Variants in HERC3 observed in about 807,000 individuals in gnomAD.
The protein encoded by HERC3 is probable E3 ubiquitin-protein ligase HERC3.
In HERC3, 58 loss-of-function variants were observed where a neutral mutation model predicts 129.9. The observed-to-expected ratio is 0.45, with a 90% confidence interval of 0.36 to 0.56. The LOEUF is 0.56. HERC3 is among the 20% of genes least tolerant of loss of function. The pLI is 0.00. For synonymous variants in HERC3, 430 were observed against 451.0 expected (o/e 0.95, Z 0.59); for missense variants, 835 against 1,244.2 (o/e 0.67, Z 4.95).
In HERC3 at chr4:88,681,329, C is replaced by T. The variant is rs1272349028; in HGVS notation, c.2507+4C>T. The T allele has an allele frequency of 4.4e-6, 7 of 1,608,266 alleles. No individual in the cohort carries two copies. The highest frequency in any genetic ancestry group is 5.1e-6 in the Non-Finnish European group (6 of 1,177,854). ...AGTTGTCACCCACTGAAGGAAGGTA[C>T]AAAGCTAAAAGGCGATTGGTATCTG... On this transcript the variant is annotated splice_donor_region_variant and intron_variant, in intron 21 of 25. Coordinates refer to ENST00000402738, the MANE Select transcript of HERC3 (RefSeq NM_014606.3).
At chr4:88,682,170 A>G (rs1439945432) in intron 21 of HERC3, among the ~76,000 whole-genome samples, 1 of 152,138 alleles carries the variant, frequency 6.6e-6, no homozygotes, top group Non-Finnish European at 1.5e-5. Context: ...TTTGTGCACA[A>G]GTTTTTGTAC....
the HERC3 span, among the ~76,000 whole-genome samples, chr4:88,559,960 A>AATTT: frequency 0.015 from 1,839 of 119,562 alleles, 59 homozygotes; most frequent in African/African-American, 0.053. Context: ...GTTATTTTTG[A>AATTT]TTTTTTTTTT....
chr4:88,662,414 T>C lies in HERC3; in HGVS notation c.1147-17T>C, dbSNP rs2149289291. 5.0e-6 allele frequency: 8 copies of C among 1,596,390 alleles called. 1 individual carries two copies. The South Asian group carries it at 9.2e-5, about 18-fold the overall frequency. ...CTACATAATTTCTTCTTTTTACTGT[T>C]ACATTTAATTCTCCAGAATTATTCT... On this transcript the variant is annotated splice_polypyrimidine_tract_variant and intron_variant, in intron 10 of 25. Transcript: ENST00000402738.
chr4:88,554,855 T>C, the HERC3 span, among the ~76,000 whole-genome samples: 1 of 152,202 alleles, frequency 6.6e-6, no homozygotes, highest in Non-Finnish European at 1.5e-5. Flanking sequence ...GCTGCTTTTG[T>C]TATTTTGGAT....
the HERC3 span, among the ~76,000 whole-genome samples, chr4:88,566,776 A>G: frequency 1.3e-5 from 2 of 152,096 alleles, no homozygotes; most frequent in Non-Finnish European, 2.9e-5. Context: ...CTACTCTAGG[A>G]TACATTTTTT....
the HERC3 span, among the ~76,000 whole-genome samples, chr4:88,539,739 G>A: frequency 6.6e-6 from 1 of 152,184 alleles, no homozygotes; most frequent in Non-Finnish European, 1.5e-5. Flanking sequence ...AGCAATATTT[G>A]CTGTTCTGCA....
At chr4:88,654,244 C>A (rs1729599716) in intron 7 of HERC3, 111 bp downstream of exon 7, 2 of 620,356 alleles carry the variant, frequency 3.2e-6, no homozygotes, top group African/African-American at 1.9e-5. Context: ...GTGGCTTGAA[C>A]TTGAATGCTC....
At chr4:88,631,308 A>G (rs1726726555) in intron 3 of HERC3, among the ~76,000 whole-genome samples, 1 of 152,102 alleles carries the variant, frequency 6.6e-6, no homozygotes, top group South Asian at 2.1e-4. Context: ...TGCAAAAATT[A>G]GCCAGGCGTT....
chr4:88,534,897 G>T, the HERC3 span, among the ~76,000 whole-genome samples: 1 of 152,134 alleles, frequency 6.6e-6, no homozygotes, highest in African/African-American at 2.4e-5. Context: ...AAAAGGAAAT[G>T]AACCTCCAAA....
rs572391242 is a variant in HERC3, at chr4:88,670,342, C to T, written c.1911+90C>T. The T allele has an allele frequency of 4.3e-5, 35 of 820,670 alleles. No homozygotes were observed. The African/African-American group carries it at 5.5e-4, about 13-fold the overall frequency. The allele number at this position is 820,670 out of a possible 1,614,324, so 50.8% of individuals were successfully genotyped here. A position where few individuals can be genotyped will look rare whatever the true frequency, so the allele number is the denominator to read the frequency against. ...TATAATATGTCTTTGACTTTGATGT[C>T]AGTGTGTCACCTATTCTTCATCCAG... On this transcript the variant is annotated intron_variant, in intron 16 of 25. Transcript: ENST00000402738.
chr4:88,642,694 A>G (rs548634900), intron 3 of HERC3, among the ~76,000 whole-genome samples: 10 of 152,298 alleles, frequency 6.6e-5, no homozygotes, highest in Admixed American at 4.6e-4. Context: ...TTATAAGGGC[A>G]CTAATCTCAA....
chr4:88,634,737 A>G (rs888931040), intron 3 of HERC3, among the ~76,000 whole-genome samples: 3 of 149,068 alleles, frequency 2.0e-5, no homozygotes, highest in African/African-American at 7.5e-5. Flanking sequence ...CATCCTATAC[A>G]GGAGCATCCC....
chr4:88,572,698 A>G, the HERC3 span, among the ~76,000 whole-genome samples: 1 of 151,840 alleles, frequency 6.6e-6, no homozygotes, highest in Non-Finnish European at 1.5e-5. Flanking sequence ...AGTCCCAGCT[A>G]CTTGGGAGAC....
intron 10 of HERC3, among the ~76,000 whole-genome samples, chr4:88,659,858 G>C (rs904318695): frequency 6.6e-6 from 1 of 152,094 alleles, no homozygotes; most frequent in Non-Finnish European, 1.5e-5. Context: ...TCTGATATAT[G>C]TAACTGATTT....
chr4:88,601,916 CGTA>C lies in HERC3; in HGVS notation c.-29-3876_-29-3874del, dbSNP rs1215284779. Among the ~76,000 whole-genome samples the C allele has an allele frequency of 8.3e-5, 10 of 120,848 alleles. 1 individual carries two copies. The highest frequency in any genetic ancestry group is 1.5e-4 in the Non-Finnish European group (10 of 65,544). The allele number at this position is 120,848 out of a possible 152,430, so 79.3% of individuals were successfully genotyped here. On this transcript the variant is annotated intron_variant, in intron 2 of 25. Transcript: ENST00000402738. ...CTAAAAATACAAAAAATTAGCCGGG[CGTA>C]GTGGCGGGCGCCTGTAGTCCCAGCT...
intron 3 of HERC3, among the ~76,000 whole-genome samples, chr4:88,626,928 T>A (rs1578194890): frequency 1.3e-5 from 2 of 152,264 alleles, no homozygotes; most frequent in Non-Finnish European, 2.9e-5. Context: ...TATTTTCTTC[T>A]GTTCACTTTG....
the HERC3 span, among the ~76,000 whole-genome samples, chr4:88,583,178 C>T: frequency 3.3e-5 from 5 of 152,110 alleles, no homozygotes; most frequent in Admixed American, 3.3e-4. Flanking sequence ...TGGCTCGCAC[C>T]TGTAATCTCA....
chr4:88,627,904 CAAAAAAAAAAA>C (rs60358778), intron 3 of HERC3, among the ~76,000 whole-genome samples: 1 of 80,934 alleles, frequency 1.2e-5, no homozygotes, highest in Non-Finnish European at 2.9e-5. Context: ...AACTCCGTCT[CAAAAAAAAAAA>C]AAAAAAAAAA....
the HERC3 span, among the ~76,000 whole-genome samples, chr4:88,533,148 A>AT: frequency 6.6e-6 from 1 of 152,348 alleles, no homozygotes; most frequent in African/African-American, 2.4e-5. Flanking sequence ...AAGCTGAAGA[A>AT]TTTGGGGCCT....
Sources: allele counts gnomAD v4.1 joint callset (sites outside exome capture counted in the v4.1 genomes callset), GRCh38; gene constraint gnomAD v4.1.1; transcripts MANE v1.5; gene names NCBI Gene and HGNC (gene_info 2026-07-23, HGNC 2026-07-21).